Variants in NSG1 observed in about 807,000 individuals in gnomAD.
NSG1 encodes the protein neuronal vesicle trafficking-associated protein 1.
Under a neutral mutation model 19.3 loss-of-function variants are expected in NSG1, and 9 were observed. The observed-to-expected ratio is 0.47, with a 90% CI of 0.28 to 0.81. The LOEUF (loss-of-function observed/expected upper bound fraction) is 0.81. Among genes scored for constraint, NSG1 ranks in the 40% least tolerant of loss-of-function variants. NSG1 has a pLI of 0.11. For synonymous variants in NSG1, 104 were observed against 107.0 expected (o/e 0.97, Z 0.17); for missense variants, 236 against 242.4 (o/e 0.97, Z 0.18).
intron 3 of NSG1, among the ~76,000 whole-genome samples, chr4:4,401,797 A>G (rs961350911): frequency 2.6e-5 from 4 of 152,214 alleles, no homozygotes; most frequent in African/African-American, 9.7e-5. Context: ...CTTCATTAAA[A>G]AAAGAGAAAA....
At chr4:4,405,279 CCT>C (rs1723789911) in intron 3 of NSG1, among the ~76,000 whole-genome samples, 3 of 152,182 alleles carry the variant, frequency 2.0e-5, no homozygotes, top group Admixed American at 2.0e-4. Flanking sequence ...CCAAATTTCC[CCT>C]CTTTATAAGG....
At chr4:4,398,269 T>C (rs73198000) in intron 3 of NSG1, among the ~76,000 whole-genome samples, 3,740 of 152,310 alleles carry the variant, frequency 0.025, 76 homozygotes, top group Non-Finnish European at 0.037. Context: ...ATTCTTTAAA[T>C]AATTGTGGTA....
At position 4,417,268 on chromosome 4, in the gene NSG1, T is replaced by C; in HGVS notation, c.391T>C (p.Tyr131His). 6 of 1,614,186 alleles carry C rather than the reference T, an allele frequency of 3.7e-6. No individual in the cohort carries two copies. Among genetic ancestry groups the C allele is most frequent in the Non-Finnish European group, 3.4e-6 (4 of 1,180,038 alleles). ...GTGCATCCCAGAAGGCTTGGAGAGC[T>C]ACTACGCGGAGCAAGACTCCAGTGC... ...TQCIPEGLES[Y>H]YAEQDSSARE... is the part of the protein sequence containing the mutation. The change falls in exon 5 of 5, where the codon TAC (tyrosine) becomes CAC (histidine). Residue 131 changes from tyrosine to histidine, a missense_variant. By Grantham distance (83) the Tyr-to-His change is moderately conservative (BLOSUM62 2). Transcript: ENST00000621129.
intron 2 of NSG1, among the ~76,000 whole-genome samples, 185 bp downstream of exon 2, chr4:4,387,943 G>C (rs1486889508): frequency 2.0e-5 from 3 of 150,606 alleles, no homozygotes; most frequent in Admixed American, 6.7e-5. Context: ...ATGCTGGGCG[G>C]GGGAGGGGAG....
intron 4 of NSG1, among the ~76,000 whole-genome samples, chr4:4,413,518 C>A (rs113206094): frequency 6.6e-6 from 1 of 150,938 alleles, no homozygotes; most frequent in African/African-American, 2.4e-5. Context: ...CTTCAGGGAA[C>A]GAGGGCAGTG....
At chr4:4,399,684 C>G (rs187830976) in intron 3 of NSG1, among the ~76,000 whole-genome samples, 21 of 152,200 alleles carry the variant, frequency 1.4e-4, no homozygotes, top group Admixed American at 1.4e-3. Flanking sequence ...TCATAGCTAT[C>G]TAAGATAGCG....
chr4:4,405,783 C>G (rs1264982700), intron 3 of NSG1, among the ~76,000 whole-genome samples: 1 of 152,196 alleles, frequency 6.6e-6, no homozygotes, highest in Admixed American at 6.5e-5. Context: ...CTTGACTGTT[C>G]CAGGGACTCT....
chr4:4,417,293 C>A lies in NSG1; in HGVS notation c.416C>A (p.Ala139Asp). The change falls in exon 5 of 5, where the codon GCC becomes GAC. Residue 139 changes from alanine (A) to aspartate (D), a missense_variant. Transcript: ENST00000621129. ...ESYYAEQDSS[A>D]REKFYTVINH... ...TACTACGCGGAGCAAGACTCCAGTG[C>A]CCGGGAGAAATTTTACACAGTCATA... The A allele has an allele frequency of 1.2e-6, 2 of 1,614,142 alleles. No homozygotes were observed. The highest frequency in any genetic ancestry group is 1.7e-6 in the Non-Finnish European group (2 of 1,180,024).
At chr4:4,387,880 C>A in intron 2 of NSG1, 122 bp downstream of exon 2, 1 of 815,960 alleles carries the variant, frequency 1.2e-6, no homozygotes, top group Admixed American at 2.3e-5. Context: ...GCTCGGGAGG[C>A]CGGAGGGAGC....
At chr4:4,402,136 G>C (rs1035930986) in intron 3 of NSG1, among the ~76,000 whole-genome samples, 1 of 146,924 alleles carries the variant, frequency 6.8e-6, no homozygotes, top group African/African-American at 2.5e-5. Context: ...TGATCCTCTC[G>C]CTTCGGCCTC....
intron 3 of NSG1, among the ~76,000 whole-genome samples, chr4:4,402,363 G>A (rs1436599961): frequency 7.3e-6 from 1 of 137,104 alleles, no homozygotes; most frequent in East Asian, 2.1e-4. Flanking sequence ...GCAGCACCAC[G>A]CCTGGTTATT....
At chr4:4,402,615 C>G (rs1038316719) in intron 3 of NSG1, among the ~76,000 whole-genome samples, 1 of 151,786 alleles carries the variant, frequency 6.6e-6, no homozygotes, top group African/African-American at 2.4e-5. Flanking sequence ...GTCTCGATCT[C>G]CTGACCTCGT....
rs1233671104 is a variant in NSG1, at chr4:4,417,474, TAAC to T, written c.*42_*44del. The T allele has an allele frequency of 5.1e-6, 8 of 1,570,570 alleles. No individual in the cohort carries two copies. The African/African-American group carries it at 6.8e-5, about 13-fold the overall frequency. On this transcript the variant is annotated 3_prime_UTR_variant, in exon 5 of 5. Coordinates refer to ENST00000621129, the MANE Select transcript of NSG1 (RefSeq NM_014392.5). ...TTCCTTACAATGTGTCACTTGCAAA[TAAC>T]AAAGGGACTTTGAGGGACATTTCAT...
rs1724536234 is a variant in NSG1 at position 4,416,280 on chromosome 4, T to C, written c.358-955T>C. On this transcript the variant is annotated intron_variant, in intron 4 of 4. Transcript: ENST00000621129. ...CCTGCCAGTGGCAGCCCCTGAACAC[T>C]GGATGCGGGGCAGTGTTGGTGAGAA... The C allele has an allele frequency of 5.7e-6, 4 of 697,304 alleles. No individual in the cohort carries two copies. In the South Asian group the frequency reaches 6.0e-5, roughly 10 times the overall value. 43.2% of individuals were successfully genotyped at this position (697,304 alleles called of 1,614,324 possible). A position where few individuals can be genotyped will look rare whatever the true frequency, so the allele number is the denominator to read the frequency against.
intron 3 of NSG1, among the ~76,000 whole-genome samples, chr4:4,404,276 A>G (rs1723731318): frequency 6.6e-6 from 1 of 152,232 alleles, no homozygotes; most frequent in South Asian, 2.1e-4. Context: ...TCTGCCCAGC[A>G]TGGAGCCTGC....
chr4:4,389,083 C>A (rs912275641), intron 2 of NSG1, among the ~76,000 whole-genome samples: 1 of 152,266 alleles, frequency 6.6e-6, no homozygotes, highest in Non-Finnish European at 1.5e-5. Flanking sequence ...CCCCCAGCTG[C>A]TCGGCTGAGG....
chr4:4,404,260 C>T (rs1723729739), intron 3 of NSG1, among the ~76,000 whole-genome samples: 1 of 152,226 alleles, frequency 6.6e-6, no homozygotes, highest in South Asian at 2.1e-4. Context: ...TGGACGGTCT[C>T]CAGCTTCTGC....
chr4:4,402,368 GTTATTTTTTTT>G (rs1723597143), intron 3 of NSG1, among the ~76,000 whole-genome samples: 1 of 99,644 alleles, frequency 1.0e-5, no homozygotes, highest in African/African-American at 4.1e-5. Context: ...ACCACGCCTG[GTTATTTTTTTT>G]TTTTTTTTTT....
At chr4:4,403,141 C>T (rs143514039) in intron 3 of NSG1, among the ~76,000 whole-genome samples, 1 of 152,360 alleles carries the variant, frequency 6.6e-6, no homozygotes, top group East Asian at 1.9e-4. Flanking sequence ...GGCATCTTCT[C>T]TGTGCCAGAT....
Sources: gnomAD v4.1 joint callset for allele counts (sites outside exome capture counted in the v4.1 genomes callset) on GRCh38, gnomAD v4.1.1 for gene constraint, MANE v1.5 for transcripts, NCBI Gene and HGNC (gene_info 2026-07-23, HGNC 2026-07-21) for gene names.